ATP6V0E1: variants seen among roughly 807,000 people sequenced by gnomAD.
ATP6V0E1 encodes the protein V-type proton ATPase subunit e 1.
A neutral mutation model predicts 11.6 loss-of-function variants in ATP6V0E1; 4 were observed. The observed-to-expected ratio is 0.35, with a 90% CI of 0.17 to 0.79. ATP6V0E1 has a LOEUF of 0.79. ATP6V0E1 is among the 30% of genes least tolerant of loss of function. ATP6V0E1 has a pLI of 0.54. For synonymous variants in ATP6V0E1, 36 were observed against 34.8 expected (o/e 1.04, Z -0.13); for missense variants, 105 against 100.0 (o/e 1.05, Z -0.21).
At chr5:173,008,093 C>T (rs1756256786) in intron 2 of ATP6V0E1, among the ~76,000 whole-genome samples, 1 of 152,200 alleles carries the variant, frequency 6.6e-6, no homozygotes, top group African/African-American at 2.4e-5. Flanking sequence ...CTGAAATGTC[C>T]CTCCAGCTTC....
intron 2 of ATP6V0E1, among the ~76,000 whole-genome samples, chr5:173,008,910 CAAAAAAAAA>C (rs1164495740): frequency 2.4e-5 from 1 of 41,338 alleles, no homozygotes; most frequent in East Asian, 8.3e-4. Context: ...GACTCTGTCT[CAAAAAAAAA>C]AAAAAAAAAA....
intron 3 of ATP6V0E1, among the ~76,000 whole-genome samples, chr5:173,030,566 G>T (rs1437555727): frequency 6.6e-6 from 1 of 150,812 alleles, no homozygotes; most frequent in Admixed American, 6.7e-5. Flanking sequence ...TCAGCCTCCC[G>T]AGTAGCTGGG....
intron 3 of ATP6V0E1, among the ~76,000 whole-genome samples, chr5:173,024,145 C>G (rs990286390): frequency 7.2e-6 from 1 of 138,310 alleles, no homozygotes; most frequent in African/African-American, 2.8e-5. Context: ...TTGCAGTGAG[C>G]GGAGATTGCG....
At chr5:173,025,607 A>G (rs748353544) in intron 3 of ATP6V0E1, among the ~76,000 whole-genome samples, 15 of 129,224 alleles carry the variant, frequency 1.2e-4, no homozygotes, top group South Asian at 4.6e-4. Context: ...TGATCCTCCT[A>G]CCTCAGCCTT....
intron 2 of ATP6V0E1, among the ~76,000 whole-genome samples, chr5:173,015,398 A>G (rs1250240744): frequency 2.0e-5 from 3 of 152,182 alleles, no homozygotes. Context: ...TAATGAGTTG[A>G]CTGATGATTG....
chr5:172,983,778 C>A lies in ATP6V0E1; in HGVS notation c.-83C>A. The stretch of plus-strand genomic sequence containing the variant: ...GCGCGGGAGGCGGGGCTTGCACACG[C>A]TGGTCACGCGGTCAGCTATTGACAC... On this transcript the variant is annotated 5_prime_UTR_variant, in exon 1 of 4. The change creates a new upstream start codon in the 5' untranslated region. Coordinates refer to ENST00000519374, the MANE Select transcript of ATP6V0E1 (RefSeq NM_003945.4). 1 of 1,377,222 alleles carries A rather than the reference C, an allele frequency of 7.3e-7. No individual in the cohort carries two copies. Among genetic ancestry groups the A allele is most frequent in the Non-Finnish European group, 1.0e-6 (1 of 974,202 alleles). 85.3% of individuals were successfully genotyped at this position (1,377,222 alleles called of 1,614,324 possible).
At chr5:173,029,743 C>T (rs572863936) in intron 3 of ATP6V0E1, among the ~76,000 whole-genome samples, 7 of 152,080 alleles carry the variant, frequency 4.6e-5, no homozygotes, top group African/African-American at 7.2e-5. Flanking sequence ...CCTTGAAATG[C>T]GATATAAAAT....
chr5:173,003,961 C>G (rs1227763460), intron 2 of ATP6V0E1, among the ~76,000 whole-genome samples: 1 of 152,174 alleles, frequency 6.6e-6, no homozygotes, highest in Non-Finnish European at 1.5e-5. Flanking sequence ...TGCTGAACAT[C>G]CTGTACTGCA....
At chr5:173,022,900 C>CA (rs1756505845) in intron 3 of ATP6V0E1, among the ~76,000 whole-genome samples, 2 of 152,074 alleles carry the variant, frequency 1.3e-5, no homozygotes, top group Non-Finnish European at 2.9e-5. Context: ...GGGTCTCTTT[C>CA]TATGGCCCAG....
At chr5:172,992,043 TTC>T (rs1364807349) in intron 1 of ATP6V0E1, among the ~76,000 whole-genome samples, 5 of 152,096 alleles carry the variant, frequency 3.3e-5, no homozygotes, top group African/African-American at 9.7e-5. Context: ...TCTCTCTCTT[TTC>T]TTTCTTTCTT....
Position 173,034,905 on chromosome 5 carries a change from GT to G in ATP6V0E1, c.*546del, listed in dbSNP as rs1756718955. 6.5e-6 allele frequency: 1 copy of G among 154,802 alleles called. No individual in the cohort carries two copies. The highest frequency in any genetic ancestry group is 6.4e-5 in the Admixed American group (1 of 15,566). The allele number at this position is 154,802 out of a possible 1,614,324, so 9.6% of individuals were successfully genotyped here. On this transcript the variant is annotated 3_prime_UTR_variant, in exon 4 of 4. Coordinates refer to ENST00000519374, the MANE Select transcript of ATP6V0E1 (RefSeq NM_003945.4). ...CTTTCTATGGAAATCTGGGCTCGGT[GT>G]TTGTAAAGTTCATTTTTATAAGCTT...
chr5:173,034,007 CAGGAGCCTGGCCCCAG>C (rs1756703638), intron 3 of ATP6V0E1, among the ~76,000 whole-genome samples: 2 of 152,228 alleles, frequency 1.3e-5, no homozygotes, highest in South Asian at 4.1e-4. Flanking sequence ...GCCCGCTCCC[CAGGAGCCTGGCCCCAG>C]AGCAGAGTTC....
chr5:172,987,717 AT>A (rs111856900), intron 1 of ATP6V0E1, among the ~76,000 whole-genome samples: 1,773 of 145,900 alleles, frequency 0.012, 17 homozygotes, highest in Middle Eastern at 0.044. Flanking sequence ...CAGCTATATA[AT>A]TTTTTTTTTT....
rs111279255 is a variant in ATP6V0E1 at position 173,014,539 on chromosome 5, TA to T, written c.153-5692del. On this transcript the variant is annotated intron_variant, in intron 2 of 3. Coordinates refer to ENST00000519374, the MANE Select transcript of ATP6V0E1 (RefSeq NM_003945.4). ...TACACTACGGAATAGTATTCAGCCATAAAAAAAGAATGAAATCATGTCATTT... is the reference window on the plus strand; with the variant it reads ...TACACTACGGAATAGTATTCAGCCATAAAAAAGAATGAAATCATGTCATTT... 8.6e-3 allele frequency among the ~76,000 whole-genome samples: 1,313 copies of T among 152,136 alleles called. 19 individuals are homozygous for T. Among genetic ancestry groups the T allele is most frequent in the African/African-American group, 0.03 (1,252 of 41,492 alleles).
chr5:173,029,512 C>T (rs1001307018), intron 3 of ATP6V0E1, among the ~76,000 whole-genome samples: 1 of 152,098 alleles, frequency 6.6e-6, no homozygotes, highest in Non-Finnish European at 1.5e-5. Flanking sequence ...TGAATTATGG[C>T]AGGTGCTCCT....
intron 2 of ATP6V0E1, among the ~76,000 whole-genome samples, chr5:173,007,344 T>C (rs1173380132): frequency 6.6e-6 from 1 of 152,184 alleles, no homozygotes; most frequent in Non-Finnish European, 1.5e-5. Flanking sequence ...AATTCAGTTC[T>C]ATGTGCTTAT....
chr5:173,006,301 G>GGT (rs1345480417), intron 2 of ATP6V0E1, among the ~76,000 whole-genome samples: 1 of 151,996 alleles, frequency 6.6e-6, no homozygotes, highest in Non-Finnish European at 1.5e-5. Context: ...TTTTGGAGGG[G>GGT]GTGAAGGTTT....
intron 3 of ATP6V0E1, among the ~76,000 whole-genome samples, chr5:173,021,362 A>G (rs1474329740): frequency 3.3e-5 from 5 of 151,598 alleles, no homozygotes; most frequent in African/African-American, 9.8e-5. Context: ...GGGAGGCCTC[A>G]CAATAATGGC....
intron 2 of ATP6V0E1, among the ~76,000 whole-genome samples, chr5:173,019,586 A>G (rs2113606954): frequency 6.6e-6 from 1 of 152,090 alleles, no homozygotes; most frequent in Admixed American, 6.6e-5. Flanking sequence ...AAGATGTGAC[A>G]CCATTTTACT....
Sources: gnomAD v4.1 joint callset for allele counts (sites outside exome capture counted in the v4.1 genomes callset) on GRCh38, gnomAD v4.1.1 for gene constraint, MANE v1.5 for transcripts, NCBI Gene and HGNC (gene_info 2026-07-23, HGNC 2026-07-21) for gene names.